ATP8A2: variants seen among roughly 807,000 people sequenced by gnomAD.
ATP8A2 encodes the protein phospholipid-transporting ATPase IB.
ATP8A2 carries 100 observed loss-of-function variants against 165.6 expected under a neutral mutation model. The observed-to-expected ratio is 0.60, with a 90% CI of 0.51 to 0.71. The LOEUF (loss-of-function observed/expected upper bound fraction) is 0.71, where lower values mean the gene tolerates loss of function less well. ATP8A2 is among the 30% of genes least tolerant of loss of function. The pLI, the probability that ATP8A2 is intolerant of heterozygous loss-of-function variation, is 0.00. For synonymous variants in ATP8A2, 543 were observed against 548.8 expected, an observed-to-expected ratio of 0.99 and a Z score of 0.15; for missense variants, 1,227 against 1,479.5, an observed-to-expected ratio of 0.83 and a Z score of 2.80.
intron 24 of ATP8A2, among the ~76,000 whole-genome samples, chr13:25,629,766 C>T (rs1172612640): frequency 6.6e-6 from 1 of 151,730 alleles, no homozygotes; most frequent in Non-Finnish European, 1.5e-5. Flanking sequence ...CTTCTGTTTT[C>T]CAGCATAAAA....
intron 35 of ATP8A2, among the ~76,000 whole-genome samples, chr13:25,972,186 T>G (rs1343746979): frequency 1.3e-5 from 2 of 152,244 alleles, no homozygotes; most frequent in Admixed American, 1.3e-4. Context: ...TTTCTCTCTG[T>G]GCCTTTTATT....
rs559217894 is a variant in ATP8A2, at chr13:25,680,913, T to C, written c.2212-18260T>C. 4.9e-4 allele frequency among the ~76,000 whole-genome samples: 74 copies of C among 152,346 alleles called. 1 individual carries two copies. The highest frequency in any genetic ancestry group is 1.7e-3 in the African/African-American group (69 of 41,586). ...AGGGACACTGTATATTTAAATAGCATGGAAGACTTCAGGTTGAATTGGGTC... is the reference window on the plus strand; with the variant it reads ...AGGGACACTGTATATTTAAATAGCACGGAAGACTTCAGGTTGAATTGGGTC... On this transcript the variant is annotated intron_variant, in intron 24 of 36. Transcript: ENST00000381655.
intron 25 of ATP8A2, among the ~76,000 whole-genome samples, chr13:25,710,701 A>G (rs918046453): frequency 2.0e-5 from 3 of 152,166 alleles, no homozygotes; most frequent in African/African-American, 7.2e-5. Flanking sequence ...AGAGGGCTCA[A>G]TCTGGTGGGA....
chr13:25,651,443 A>T (rs2041810315), intron 24 of ATP8A2, among the ~76,000 whole-genome samples: 1 of 152,152 alleles, frequency 6.6e-6, no homozygotes, highest in Non-Finnish European at 1.5e-5. Context: ...CTGTTTCAAA[A>T]AAAAAAAAAT....
intron 1 of ATP8A2, among the ~76,000 whole-genome samples, chr13:25,468,596 C>A (rs1428628587): frequency 2.0e-5 from 3 of 152,196 alleles, no homozygotes; most frequent in African/African-American, 7.2e-5. Context: ...CTGGGGGTGC[C>A]GCTGGCCTTG....
intron 27 of ATP8A2, among the ~76,000 whole-genome samples, chr13:25,789,658 C>T (rs925341580): frequency 1.3e-5 from 2 of 152,188 alleles, no homozygotes; most frequent in African/African-American, 2.4e-5. Flanking sequence ...GTGCCCAAAG[C>T]AATTTATAGA....
intron 17 of ATP8A2, 38 bp from the exon 18 acceptor site, chr13:25,571,572 A>T: frequency 6.8e-7 from 1 of 1,476,358 alleles, no homozygotes. Flanking sequence ...TGTCACTACC[A>T]GTGATATGTC....
chr13:25,447,203 G>A lies in ATP8A2; in HGVS notation c.77-21774G>A, dbSNP rs540163981. ...AGGTTTTGACAAATAATTTTTGGGG[G>A]GTTAACCTGGGGTTTGCACGCTAGA... On this transcript the variant is annotated intron_variant, in intron 1 of 36. Transcript: ENST00000381655. 7.6e-4 allele frequency among the ~76,000 whole-genome samples: 116 copies of A among 151,926 alleles called. 1 individual carries two copies. The highest frequency in any genetic ancestry group is 2.7e-3 in the African/African-American group (113 of 41,386).
At chr13:25,574,668 A>G in intron 18 of ATP8A2, 140 bp from the exon 19 acceptor site, 5 of 666,724 alleles carry the variant, frequency 7.5e-6, no homozygotes, top group South Asian at 6.8e-5. Flanking sequence ...GACTTGTGAG[A>G]AAACAGTACA....
At position 25,586,948 on chromosome 13, in the gene ATP8A2, G is replaced by A. The variant is rs879516462; in HGVS notation, c.2147-2687G>A. On this transcript the variant is annotated intron_variant, in intron 23 of 36. Coordinates refer to ENST00000381655, the MANE Select transcript of ATP8A2 (RefSeq NM_016529.6). Reference sequence around the variant, plus strand: ...ATATAATATTTTGGTTTCTTTGAATGTTGATTATACTCAGGTAGTAGAAAG... The same window carrying A: ...ATATAATATTTTGGTTTCTTTGAATATTGATTATACTCAGGTAGTAGAAAG... Among the ~76,000 whole-genome samples the A allele has an allele frequency of 2.0e-5, 3 of 152,266 alleles. No individual in the cohort carries two copies. The South Asian group carries it at 6.2e-4, about 32-fold the overall frequency.
intron 35 of ATP8A2, among the ~76,000 whole-genome samples, chr13:25,999,338 AGTT>A (rs1433449594): frequency 6.6e-6 from 1 of 152,126 alleles, no homozygotes; most frequent in African/African-American, 2.4e-5. Context: ...CTGAGTCCAA[AGTT>A]GCATCTCAGC....
At chr13:25,513,378 C>A (rs1396051676) in intron 2 of ATP8A2, among the ~76,000 whole-genome samples, 1 of 151,342 alleles carries the variant, frequency 6.6e-6, no homozygotes, top group Non-Finnish European at 1.5e-5. Context: ...GGCAGAGACG[C>A]TTCTCACTTC....
In ATP8A2 at chr13:25,968,609, G is replaced by A. The variant is rs1955838953; in HGVS notation, c.3307G>A (p.Glu1103Lys). ...CACCTGCAAAAAGACATTGCTGGAG[G>A]AGGTGCAGGAGCTGGAAACCAAGTC... ...KHTCKKTLLE[E>K]VQELETKSRV... Residue 1103 changes from glutamate to lysine, a missense_variant, in exon 35 of 37, where the codon GAG (glutamate) becomes AAG (lysine). Physicochemically the swap from Glu to Lys is moderately conservative, Grantham distance 56 (BLOSUM62 1). Coordinates refer to ENST00000381655, the MANE Select transcript of ATP8A2 (RefSeq NM_016529.6). The A allele has an allele frequency of 1.9e-6, 3 of 1,613,848 alleles. No homozygotes were observed. Among genetic ancestry groups the A allele is most frequent in the South Asian group, 2.2e-5 (2 of 90,878 alleles).
At chr13:25,803,445 G>A (rs1950663072) in intron 27 of ATP8A2, among the ~76,000 whole-genome samples, 1 of 152,086 alleles carries the variant, frequency 6.6e-6, no homozygotes, top group Non-Finnish European at 1.5e-5. Flanking sequence ...GTCAATTTAA[G>A]GAATATCCCA....
intron 30 of ATP8A2, among the ~76,000 whole-genome samples, chr13:25,851,801 T>C (rs1952014838): frequency 6.6e-6 from 1 of 152,144 alleles, no homozygotes. Flanking sequence ...CTTCATGAAT[T>C]GCGTTGCTCT....
intron 24 of ATP8A2, among the ~76,000 whole-genome samples, chr13:25,636,898 GCCTGGGCAACATAGT>G (rs2041381980): frequency 6.6e-6 from 1 of 151,938 alleles, no homozygotes; most frequent in Admixed American, 6.6e-5. Flanking sequence ...TTTGAGACCA[GCCTGGGCAACATAGT>G]GAGTCATCAT....
At chr13:25,664,349 A>G in intron 24 of ATP8A2, among the ~76,000 whole-genome samples, 1 of 152,198 alleles carries the variant, frequency 6.6e-6, no homozygotes, top group Non-Finnish European at 1.5e-5. Context: ...ATTAGATAAA[A>G]TGTAGCAATA....
At chr13:25,845,659 A>T (rs1434626244) in intron 30 of ATP8A2, among the ~76,000 whole-genome samples, 2 of 152,266 alleles carry the variant, frequency 1.3e-5, no homozygotes, top group African/African-American at 2.4e-5. Context: ...GTGCACGTGT[A>T]TAAAATAAAA....
intron 24 of ATP8A2, among the ~76,000 whole-genome samples, chr13:25,674,369 A>G (rs1222027590): frequency 2.0e-5 from 3 of 152,060 alleles, no homozygotes; most frequent in Non-Finnish European, 4.4e-5. Context: ...AGGCTTTTCA[A>G]TAAATTATGC....
Sources: allele counts gnomAD v4.1 joint callset (sites outside exome capture counted in the v4.1 genomes callset), GRCh38; gene constraint gnomAD v4.1.1; transcripts MANE v1.5; gene names NCBI Gene and HGNC (gene_info 2026-07-23, HGNC 2026-07-21).